SORCS3: variants seen among roughly 807,000 people sequenced by gnomAD.
The protein encoded by SORCS3 is sortilin related VPS10 domain containing receptor 3, also known as VPS10 domain-containing receptor SorCS3.
Under a neutral mutation model 146.3 loss-of-function variants are expected in SORCS3, and 57 were observed. That is an observed-to-expected ratio of 0.39 (90% CI 0.31 to 0.49). SORCS3 has a LOEUF of 0.49. SORCS3 is among the 20% of genes least tolerant of loss of function. The pLI is 0.92. For missense variants in SORCS3, 1,341 were observed against 1,575.5 expected, an observed-to-expected ratio of 0.85 and a Z score of 2.52; for synonymous variants, 653 against 618.5, an observed-to-expected ratio of 1.06 and a Z score of -0.83.
intron 2 of SORCS3, among the ~76,000 whole-genome samples, chr10:104,898,832 T>C (rs1039221205): frequency 5.9e-5 from 9 of 152,026 alleles, no homozygotes; most frequent in Non-Finnish European, 7.4e-5. Context: ...CCCCTATTTT[T>C]CCCCCCATCA....
At chr10:104,722,406 C>G (rs549543612) in intron 1 of SORCS3, among the ~76,000 whole-genome samples, 1 of 152,070 alleles carries the variant, frequency 6.6e-6, no homozygotes, top group Admixed American at 6.6e-5. Context: ...ATTTTTGCAT[C>G]GATGTTCATC....
intron 3 of SORCS3, among the ~76,000 whole-genome samples, chr10:104,928,770 A>T (rs2019176652): frequency 6.6e-6 from 1 of 152,126 alleles, no homozygotes; most frequent in African/African-American, 2.4e-5. Flanking sequence ...TTGGGGTCTG[A>T]GCTGGCAGGG....
chr10:105,121,393 G>A (rs2055931541), intron 7 of SORCS3, among the ~76,000 whole-genome samples: 1 of 152,214 alleles, frequency 6.6e-6, no homozygotes. Context: ...GTGAAATATA[G>A]GTAATCACCC....
intron 4 of SORCS3, among the ~76,000 whole-genome samples, chr10:104,989,849 C>G (rs1244702679): frequency 6.6e-6 from 1 of 152,100 alleles, no homozygotes; most frequent in African/African-American, 2.4e-5. Context: ...GCTGAGGTTC[C>G]CCTGATGTTT....
At chr10:104,956,722 T>A (rs2019496278) in intron 3 of SORCS3, among the ~76,000 whole-genome samples, 1 of 152,158 alleles carries the variant, frequency 6.6e-6, no homozygotes, top group African/African-American at 2.4e-5. Flanking sequence ...TACTGTAGAA[T>A]CTAGCCCATA....
At chr10:105,164,101 T>C (rs1311876144) in intron 11 of SORCS3, among the ~76,000 whole-genome samples, 1 of 152,198 alleles carries the variant, frequency 6.6e-6, no homozygotes, top group African/African-American at 2.4e-5. Flanking sequence ...AATGATGCAT[T>C]TCTGTCATAC....
intron 5 of SORCS3, among the ~76,000 whole-genome samples, chr10:105,067,164 C>T (rs752003570): frequency 6.6e-6 from 1 of 152,200 alleles, no homozygotes; most frequent in Non-Finnish European, 1.5e-5. Flanking sequence ...AACCATTCCA[C>T]TGTGCATCTA....
rs144157094 is a variant in SORCS3, at chr10:105,076,191, C to G, written c.1029-13584C>G. Among the ~76,000 whole-genome samples, 779 of 152,156 alleles carry G rather than the reference C, an allele frequency of 5.1e-3. 3 individuals are homozygous for G. Among genetic ancestry groups the G allele is most frequent in the South Asian group, 0.011 (55 of 4,820 alleles). On this transcript the variant is annotated intron_variant, in intron 5 of 26. Coordinates refer to ENST00000369701, the MANE Select transcript of SORCS3 (RefSeq NM_014978.3). ...TCAGAGAGGTTAACTATAACTTGCC[C>G]AAGGTAACACAATTAATAAATGTAG... is the stretch of plus-strand genomic sequence containing the variant.
At chr10:104,707,636 A>C (rs2016351176) in intron 1 of SORCS3, among the ~76,000 whole-genome samples, 3 of 152,134 alleles carry the variant, frequency 2.0e-5, no homozygotes, top group African/African-American at 7.2e-5. Flanking sequence ...AAAATATATA[A>C]ATGAATATCA....
chr10:104,737,537 G>A (rs1178372483), intron 1 of SORCS3, among the ~76,000 whole-genome samples: 2 of 152,100 alleles, frequency 1.3e-5, no homozygotes, highest in African/African-American at 4.8e-5. Flanking sequence ...CAGTGATGGT[G>A]AGCATTTTTT....
chr10:104,683,043 T>G (rs961325174), intron 1 of SORCS3, among the ~76,000 whole-genome samples: 2 of 152,208 alleles, frequency 1.3e-5, no homozygotes, highest in Non-Finnish European at 2.9e-5. Context: ...CATCTAAGCA[T>G]GCTTTGGCTC....
At chr10:104,864,906 T>G (rs1227325861) in intron 2 of SORCS3, among the ~76,000 whole-genome samples, 2 of 152,124 alleles carry the variant, frequency 1.3e-5, no homozygotes, top group East Asian at 3.9e-4. Flanking sequence ...CCCCAGCCAA[T>G]CACATTTTTC....
At chr10:104,680,896 A>G (rs1247699651) in intron 1 of SORCS3, among the ~76,000 whole-genome samples, 2 of 152,202 alleles carry the variant, frequency 1.3e-5, no homozygotes, top group African/African-American at 4.8e-5. Context: ...GAAAAGCCTT[A>G]GCAAATACCT....
At chr10:104,761,069 C>A (rs1293183401) in intron 1 of SORCS3, among the ~76,000 whole-genome samples, 1 of 152,138 alleles carries the variant, frequency 6.6e-6, no homozygotes, top group Admixed American at 6.6e-5. Context: ...ATCCTACCTC[C>A]TTGAATGATG....
intron 2 of SORCS3, among the ~76,000 whole-genome samples, chr10:104,910,791 T>A (rs1489696676): frequency 1.3e-5 from 2 of 152,174 alleles, no homozygotes; most frequent in Non-Finnish European, 2.9e-5. Flanking sequence ...GGAGTGGGGT[T>A]GGGGTAACTG....
At chr10:104,800,462 A>C (rs538421228) in intron 1 of SORCS3, among the ~76,000 whole-genome samples, 107 of 152,250 alleles carry the variant, frequency 7.0e-4, no homozygotes, top group African/African-American at 2.3e-3. Context: ...GGTGACCCCT[A>C]ATGTTAACTG....
At chr10:104,655,247 C>CAAAA (rs34712784) in intron 1 of SORCS3, among the ~76,000 whole-genome samples, 1 of 133,288 alleles carries the variant, frequency 7.5e-6, no homozygotes. Context: ...AGCTCCGTCT[C>CAAAA]AAAAAAAAAA....
chr10:105,248,834 T>C (rs1303236828), intron 22 of SORCS3, among the ~76,000 whole-genome samples: 1 of 152,170 alleles, frequency 6.6e-6, no homozygotes, highest in Non-Finnish European at 1.5e-5. Context: ...TATGTCATAT[T>C]GTGTAGGGTT....
At chr10:105,120,898 G>A (rs890885716) in intron 7 of SORCS3, among the ~76,000 whole-genome samples, 5 of 152,126 alleles carry the variant, frequency 3.3e-5, no homozygotes, top group African/African-American at 9.7e-5. Context: ...TACTATTAGC[G>A]TCTCCATGGG....
Sources: gnomAD v4.1 joint callset for allele counts (sites outside exome capture counted in the v4.1 genomes callset) on GRCh38, gnomAD v4.1.1 for gene constraint, MANE v1.5 for transcripts, NCBI Gene and HGNC (gene_info 2026-07-23, HGNC 2026-07-21) for gene names.